The following PAK5 variants were observed in gnomAD, a reference collection of about 807,000 sequenced individuals.
PAK5 encodes the protein serine/threonine-protein kinase PAK 5.
A neutral mutation model predicts 65.9 loss-of-function variants in PAK5; 16 were observed. That is an observed-to-expected ratio of 0.24 (90% confidence interval 0.16 to 0.37). The LOEUF (loss-of-function observed/expected upper bound fraction) is 0.37. Ranked by LOEUF, PAK5 falls within the 10% of genes least tolerant of loss-of-function variation. The probability of loss-of-function intolerance (pLI) is 1.00; values close to 1 mark genes in which losing one functional copy is unlikely to be tolerated. For synonymous variants in PAK5, 371 were observed against 354.9 expected (o/e 1.05, Z -0.51); for missense variants, 785 against 903.9 (o/e 0.87, Z 1.69).
intron 1 of PAK5, among the ~76,000 whole-genome samples, chr20:9,740,544 G>A (rs150639099): frequency 1.7e-3 from 262 of 152,284 alleles, no homozygotes; most frequent in African/African-American, 5.5e-3. Flanking sequence ...CCAACAGACT[G>A]AGCAACGTAT....
intron 3 of PAK5, among the ~76,000 whole-genome samples, chr20:9,590,406 T>C (rs921708214): frequency 2.6e-5 from 4 of 152,180 alleles, no homozygotes; most frequent in Non-Finnish European, 5.9e-5. Flanking sequence ...GCCCTCTGCC[T>C]GTTTTTGTAA....
At chr20:9,722,282 GA>G (rs1448574707) in intron 1 of PAK5, among the ~76,000 whole-genome samples, 27 of 152,126 alleles carry the variant, frequency 1.8e-4, no homozygotes, top group African/African-American at 6.5e-4. Context: ...TAACAGTGAA[GA>G]CTTGTTTGGC....
intron 1 of PAK5, among the ~76,000 whole-genome samples, chr20:9,820,824 C>A (rs377660871): frequency 1.8e-4 from 28 of 151,510 alleles, no homozygotes; most frequent in African/African-American, 6.8e-4. Context: ...AATGGGGAGC[C>A]CTGAAATGAG....
rs1484958780 is a variant in PAK5 at position 9,626,167 on chromosome 20, C to T, written c.204+17958G>A. On this transcript the variant is annotated intron_variant, in intron 3 of 9. Coordinates refer to ENST00000353224, the MANE Select transcript of PAK5 (RefSeq NM_177990.4). ...ACTAACAATCAACATAAATTTCCAA[C>T]AATAAGAGGGTTTTAAAATTATGGC... Among the ~76,000 whole-genome samples the T allele has an allele frequency of 2.0e-5, 3 of 151,790 alleles. 1 individual carries two copies. The highest frequency in any genetic ancestry group is 7.3e-5 in the African/African-American group (3 of 41,274).
At chr20:9,590,122 C>A (rs565706063) in intron 3 of PAK5, among the ~76,000 whole-genome samples, 3 of 151,806 alleles carry the variant, frequency 2.0e-5, no homozygotes, top group Admixed American at 2.0e-4. Flanking sequence ...CAGGCATGTG[C>A]CAAAATGCCT....
At chr20:9,553,791 A>G (rs2045466697) in intron 7 of PAK5, among the ~76,000 whole-genome samples, 1 of 152,234 alleles carries the variant, frequency 6.6e-6, no homozygotes, top group African/African-American at 2.4e-5. Flanking sequence ...TGGAACTATT[A>G]TAAAGAAAAC....
At chr20:9,719,725 T>C (rs2048192049) in intron 1 of PAK5, among the ~76,000 whole-genome samples, 1 of 152,162 alleles carries the variant, frequency 6.6e-6, no homozygotes, top group Admixed American at 6.5e-5. Flanking sequence ...GTAAACTTAA[T>C]TGACTACATT....
intron 3 of PAK5, among the ~76,000 whole-genome samples, chr20:9,592,480 T>A (rs1229424806): frequency 6.6e-6 from 1 of 152,232 alleles, no homozygotes; most frequent in African/African-American, 2.4e-5. Flanking sequence ...TTGTATATCT[T>A]GATCTTGGTT....
intron 1 of PAK5, among the ~76,000 whole-genome samples, chr20:9,749,114 A>G (rs1386653081): frequency 1.3e-5 from 2 of 152,160 alleles, no homozygotes; most frequent in Admixed American, 6.6e-5. Context: ...AGCAATTAAG[A>G]AATAACCCCA....
rs868083646 is a variant in PAK5 at position 9,747,636 on chromosome 20, A to C, written c.-161-36201T>G. Reference sequence around the variant, plus strand: ...AAAGGCCTTTGACAAAATTCAACAAACCTTCATGCTAAAAACTCTCAATAA... The same window carrying C: ...AAAGGCCTTTGACAAAATTCAACAACCCTTCATGCTAAAAACTCTCAATAA... On this transcript the variant is annotated intron_variant, in intron 1 of 9. Transcript: ENST00000353224. Among the ~76,000 whole-genome samples, 900 of 151,796 alleles carry C rather than the reference A, an allele frequency of 5.9e-3. 7 individuals are homozygous for C. The highest frequency in any genetic ancestry group is 0.019 in the African/African-American group (797 of 41,338).
chr20:9,664,122 T>C (rs2047381531), intron 2 of PAK5, among the ~76,000 whole-genome samples: 1 of 152,174 alleles, frequency 6.6e-6, no homozygotes, highest in Admixed American at 6.5e-5. Context: ...AGGATTACAC[T>C]GTACCATAGA....
intron 1 of PAK5, among the ~76,000 whole-genome samples, chr20:9,823,069 C>G (rs1419125228): frequency 2.0e-5 from 3 of 152,248 alleles, no homozygotes; most frequent in Non-Finnish European, 4.4e-5. Flanking sequence ...GCCATCAGAG[C>G]TCCACTGTCA....
In PAK5 at chr20:9,802,639, C is replaced by T. The variant is rs558446354; in HGVS notation, c.-162+36123G>A. Among the ~76,000 whole-genome samples the T allele has an allele frequency of 8.6e-4, 130 of 151,686 alleles. 1 individual carries two copies. In the Middle Eastern group the frequency reaches 0.02, roughly 24 times the overall value. The stretch of plus-strand genomic sequence containing the variant: ...AATTCTGAAAGTCTTTGAAAAAGAA[C>T]GTAAGCACATACTTTAAAATCACAA... On this transcript the variant is annotated intron_variant, in intron 1 of 9. Coordinates refer to ENST00000353224, the MANE Select transcript of PAK5 (RefSeq NM_177990.4).
At chr20:9,693,746 C>T (rs141193222) in intron 2 of PAK5, among the ~76,000 whole-genome samples, 11 of 152,158 alleles carry the variant, frequency 7.2e-5, no homozygotes, top group African/African-American at 2.2e-4. Flanking sequence ...TATAAAGATA[C>T]GCATTACGAC....
At chr20:9,827,944 G>C (rs1182849275) in intron 1 of PAK5, among the ~76,000 whole-genome samples, 1 of 152,152 alleles carries the variant, frequency 6.6e-6, no homozygotes, top group Non-Finnish European at 1.5e-5. Flanking sequence ...CGATTCTCTT[G>C]CCTCAGCATC....
chr20:9,625,228 C>T (rs2046827070), intron 3 of PAK5, among the ~76,000 whole-genome samples: 1 of 152,184 alleles, frequency 6.6e-6, no homozygotes, highest in Non-Finnish European at 1.5e-5. Context: ...GCTTCAACAC[C>T]ATCTCCTTAT....
chr20:9,633,549 C>T (rs532573762), intron 3 of PAK5, among the ~76,000 whole-genome samples: 8 of 152,234 alleles, frequency 5.3e-5, no homozygotes, highest in South Asian at 4.1e-4. Context: ...AAACACCATC[C>T]GATATTTGGT....
chr20:9,785,381 T>C (rs78876081), intron 1 of PAK5, among the ~76,000 whole-genome samples: 20 of 152,312 alleles, frequency 1.3e-4, no homozygotes, highest in Admixed American at 7.8e-4. Context: ...ATAAGGGACA[T>C]TGAGCACAGA....
intron 2 of PAK5, among the ~76,000 whole-genome samples, chr20:9,681,179 T>C (rs1267651061): frequency 1.3e-5 from 2 of 152,216 alleles, no homozygotes; most frequent in Non-Finnish European, 2.9e-5. Flanking sequence ...AACATTCACT[T>C]GAGTTTTTAT....
Sources: allele counts gnomAD v4.1 joint callset (sites outside exome capture counted in the v4.1 genomes callset), GRCh38; gene constraint gnomAD v4.1.1; transcripts MANE v1.5; gene names NCBI Gene and HGNC (gene_info 2026-07-23, HGNC 2026-07-21).